DBF4B: variants seen among roughly 807,000 people sequenced by gnomAD.
DBF4B encodes DBF4B-CDC7 kinase regulatory subunit.
In DBF4B, 49 loss-of-function variants were observed where a neutral mutation model predicts 53.4. That is an observed-to-expected ratio of 0.92 (90% CI 0.73 to 1.16). The LOEUF (loss-of-function observed/expected upper bound fraction) is 1.16, where lower values mean the gene tolerates loss of function less well. DBF4B is among the 50% of genes most tolerant of loss of function. The pLI is 0.00. For synonymous variants in DBF4B, 257 were observed against 288.7 expected, an observed-to-expected ratio of 0.89 and a Z score of 1.11; for missense variants, 692 against 775.0, an observed-to-expected ratio of 0.89 and a Z score of 1.27.
At chr17:44,738,017 G>A (rs62066007) in intron 8 of DBF4B, among the ~76,000 whole-genome samples, 6,932 of 152,314 alleles carry the variant, frequency 0.046, 226 homozygotes, top group Non-Finnish European at 0.064. Flanking sequence ...TTTAGCAGAA[G>A]CCATCAGGGG....
chr17:44,737,964 G>A (rs751481086), intron 8 of DBF4B, among the ~76,000 whole-genome samples: 3 of 152,216 alleles, frequency 2.0e-5, no homozygotes, highest in African/African-American at 4.8e-5. Flanking sequence ...AAAGGGCTAG[G>A]AAGGACCTGG....
At position 44,722,944 on chromosome 17, in the gene DBF4B, C is replaced by T. The variant is rs62636632; in HGVS notation, c.147C>T (p.Ser49=). Residue 49 remains serine, a synonymous_variant, in exon 3 of 14, where the codon TCC becomes TCT. Coordinates refer to ENST00000315005, the MANE Select transcript of DBF4B (RefSeq NM_145663.3). ...NSPGARKHPF[S]GKSFYLDLPA... ...CAGGTGCCAGGAAGCATCCCTTTTCCGGAAAGTCCTTTTACTTGGATCTGC... is the reference window on the plus strand; with the variant it reads ...CAGGTGCCAGGAAGCATCCCTTTTCTGGAAAGTCCTTTTACTTGGATCTGC... The T allele has an allele frequency of 3.6e-3, 5,838 of 1,614,094 alleles. 188 individuals are homozygous for T. The African/African-American group carries it at 0.069, about 19-fold the overall frequency.
chr17:44,721,995 A>G (rs1973891639), intron 2 of DBF4B, among the ~76,000 whole-genome samples: 1 of 151,948 alleles, frequency 6.6e-6, no homozygotes, highest in Non-Finnish European at 1.5e-5. Context: ...TTAGCCAGGC[A>G]TGGTGGTGCA....
intron 1 of DBF4B, chr17:44,709,040 C>T: frequency 2.6e-6 from 2 of 778,014 alleles, no homozygotes; most frequent in Non-Finnish European, 4.2e-6. Context: ...GGACAACAGC[C>T]TGGAGGGATG....
intron 9 of DBF4B, among the ~76,000 whole-genome samples, chr17:44,738,683 C>T (rs921584751): frequency 3.3e-5 from 5 of 152,192 alleles, no homozygotes; most frequent in African/African-American, 1.2e-4. Flanking sequence ...GTGTGAATTA[C>T]CTCCATTTAA....
intron 2 of DBF4B, among the ~76,000 whole-genome samples, chr17:44,713,602 T>C (rs1157428263): frequency 1.3e-5 from 2 of 152,086 alleles, no homozygotes; most frequent in African/African-American, 4.8e-5. Context: ...TGAGCCGAGA[T>C]CATGCCGCTG....
At chr17:44,710,706 C>A (rs1489776256) in intron 2 of DBF4B, among the ~76,000 whole-genome samples, 1 of 151,856 alleles carries the variant, frequency 6.6e-6, no homozygotes, top group Non-Finnish European at 1.5e-5. Context: ...GCTGGGACTG[C>A]AGGCACTCAA....
intron 3 of DBF4B, among the ~76,000 whole-genome samples, chr17:44,729,574 G>A (rs115963794): frequency 1.4e-3 from 218 of 152,018 alleles, no homozygotes; most frequent in African/African-American, 4.9e-3. Flanking sequence ...AGCTCTTTCA[G>A]TGTGTTCTTG....
intron 4 of DBF4B, 23 bp downstream of exon 4, chr17:44,730,119 G>T: frequency 6.2e-7 from 1 of 1,609,556 alleles, no homozygotes; most frequent in Middle Eastern, 2.2e-4. Context: ...TGTAGGAAAG[G>T]TATGCTGTGT....
rs1004981780 is a variant in DBF4B at position 44,751,596 on chromosome 17, C to T, written c.*343C>T. ...CCCCTCTGCCCCAAAATGCCATGCT[C>T]CTCTCCTGGAAAACACTTGAGTTGA... On this transcript the variant is annotated 3_prime_UTR_variant, in exon 14 of 14. Coordinates refer to ENST00000315005, the MANE Select transcript of DBF4B (RefSeq NM_145663.3). 3 of 1,349,074 alleles carry T rather than the reference C, an allele frequency of 2.2e-6. No individual in the cohort carries two copies. Among genetic ancestry groups the T allele is most frequent in the African/African-American group, 2.9e-5 (2 of 68,068 alleles). The allele number at this position is 1,349,074 out of a possible 1,614,324, so 83.6% of individuals were successfully genotyped here. A position where few individuals can be genotyped will look rare whatever the true frequency, so the allele number is the denominator to read the frequency against.
rs775507500 is a variant in DBF4B at position 44,750,985 on chromosome 17, C to A, written c.1580C>A (p.Thr527Asn). 1 of 1,614,162 alleles carries A rather than the reference C, an allele frequency of 6.2e-7. No homozygotes were observed. The highest frequency in any genetic ancestry group is 1.7e-5 in the Admixed American group (1 of 60,024). The change falls in exon 14 of 14, where the codon ACC becomes AAC. Residue 527 changes from threonine to asparagine, a missense_variant. This residue lies in a region of DBF4B where 597 missense variants were observed against 665.8 expected (regional missense o/e 0.90). Transcript: ENST00000315005. ...GGTTGCCTCATTCCCCATGACACCA[C>A]CCCTCTGCATGAGGAAGTTTCCCCT... ...TWGCLIPHDT[T>N]PLHEEVSPCP... is the part of the protein sequence containing the mutation.
Position 44,720,009 on chromosome 17 carries a change from G to A in DBF4B, c.83-2871G>A, listed in dbSNP as rs1973683815. The A allele has an allele frequency of 1.8e-5, 4 of 224,304 alleles. No homozygotes were observed. In the South Asian group the frequency reaches 3.1e-4, roughly 17 times the overall value. 13.9% of individuals were successfully genotyped at this position (224,304 alleles called of 1,614,324 possible). On this transcript the variant is annotated intron_variant, in intron 2 of 13. Transcript: ENST00000315005. Reference sequence around the variant, plus strand: ...GACGTTTTGCAATTTTTACATTGCTGCTACCAATTTTGGTTGAGGTAGCAA... The same window carrying A: ...GACGTTTTGCAATTTTTACATTGCTACTACCAATTTTGGTTGAGGTAGCAA...
At chr17:44,722,778 C>CTG in intron 2 of DBF4B, 102 bp from the exon 3 acceptor site, 1 of 1,324,898 alleles carries the variant, frequency 7.5e-7, no homozygotes, top group Non-Finnish European at 1.0e-6. Flanking sequence ...AGGGTCTAGT[C>CTG]TGTGCTATTA....
At position 44,729,892 on chromosome 17, in the gene DBF4B, G is replaced by A; in HGVS notation, c.226-13G>A. The A allele has an allele frequency of 6.2e-7, 1 of 1,610,582 alleles. No homozygotes were observed. Among genetic ancestry groups the A allele is most frequent in the Non-Finnish European group, 8.5e-7 (1 of 1,177,340 alleles). On this transcript the variant is annotated splice_polypyrimidine_tract_variant and intron_variant, in intron 3 of 13. Coordinates refer to ENST00000315005, the MANE Select transcript of DBF4B (RefSeq NM_145663.3). Reference sequence around the variant, plus strand: ...CTTTTTGGTTTTCAGCCACCTCTGTGATCTGGTTTCAGGTAATTGAGGGTT... The same window carrying A: ...CTTTTTGGTTTTCAGCCACCTCTGTAATCTGGTTTCAGGTAATTGAGGGTT...
rs1367325326 is a variant in DBF4B at position 44,749,721 on chromosome 17, G to A, written c.1190-874G>A. On this transcript the variant is annotated intron_variant, in intron 13 of 13. Coordinates refer to ENST00000315005, the MANE Select transcript of DBF4B (RefSeq NM_145663.3). The surrounding 1 kb of genome is among the most constrained non-coding windows in gnomAD (Gnocchi z 4.4). ...CATGGGGAGGGACCACAAAGGAGCT[G>A]GGGCAGCAGGAGTCCTGGCCCGGCT... 13 of 1,140,312 alleles carry A rather than the reference G, an allele frequency of 1.1e-5. No homozygotes were observed. The highest frequency in any genetic ancestry group is 1.4e-5 in the Non-Finnish European group (13 of 916,258). The allele number at this position is 1,140,312 out of a possible 1,614,324, so 70.6% of individuals were successfully genotyped here. A position where few individuals can be genotyped will look rare whatever the true frequency, so the allele number is the denominator to read the frequency against.
chr17:44,740,295 C>A (rs1278317108), intron 9 of DBF4B, among the ~76,000 whole-genome samples: 1 of 152,182 alleles, frequency 6.6e-6, no homozygotes, highest in Non-Finnish European at 1.5e-5. Context: ...CCCTGAGAAC[C>A]CCTGGCTTGC....
rs2049266817 is a variant in DBF4B at position 44,750,933 on chromosome 17, G to A, written c.1528G>A (p.Val510Ile). ...GTGGCTTATGTCTGCACGCTGCTGG[G>A]TTCGTCCCTTTCCTTTTGTGACATG... is the stretch of plus-strand genomic sequence containing the variant. ...RPWLMSARCW[V>I]RPFPFVTWGC... Residue 510 changes from valine to isoleucine, a missense_variant, in exon 14 of 14, where the codon GTT (valine) becomes ATT (isoleucine). Physicochemically the swap from Val to Ile is conservative, Grantham distance 29 (BLOSUM62 3). This residue lies in a region of DBF4B where 597 missense variants were observed against 665.8 expected (regional missense o/e 0.90). Coordinates refer to ENST00000315005, the MANE Select transcript of DBF4B (RefSeq NM_145663.3). 1.2e-6 allele frequency: 2 copies of A among 1,614,018 alleles called. No individual in the cohort carries two copies. The highest frequency in any genetic ancestry group is 1.3e-5 in the African/African-American group (1 of 74,892).
intron 10 of DBF4B, among the ~76,000 whole-genome samples, chr17:44,744,132 CCAGA>C (rs1234500423): frequency 1.6e-5 from 2 of 123,336 alleles, no homozygotes; most frequent in Non-Finnish European, 3.2e-5. Context: ...AAAAATCTGG[CCAGA>C]CACAGTGGCT....
chr17:44,726,942 TACA>T (rs1034507041), intron 3 of DBF4B, among the ~76,000 whole-genome samples: 5 of 151,304 alleles, frequency 3.3e-5, no homozygotes, highest in African/African-American at 1.2e-4. Context: ...GTACTGAAAA[TACA>T]ACAATTAGCT....
Sources: allele counts gnomAD v4.1 joint callset (sites outside exome capture counted in the v4.1 genomes callset), GRCh38; gene constraint gnomAD v4.1.1; regional missense constraint gnomAD v4.1.1; non-coding constraint Gnocchi (gnomAD v3.1); transcripts MANE v1.5; gene names NCBI Gene and HGNC (gene_info 2026-07-23, HGNC 2026-07-21).